Variants in AKT1S1 observed in about 807,000 individuals in gnomAD.
The protein encoded by AKT1S1 is proline-rich AKT1 substrate 1.
Under a neutral mutation model 21.2 loss-of-function variants are expected in AKT1S1, and 17 were observed. That is an observed-to-expected ratio of 0.80 (90% CI 0.55 to 1.20). The LOEUF (loss-of-function observed/expected upper bound fraction) is 1.20, where lower values mean the gene tolerates loss of function less well. AKT1S1 is among the 50% of genes most tolerant of loss of function. The pLI is 0.00. For synonymous variants in AKT1S1, 181 were observed against 165.6 expected (o/e 1.09, Z -0.72); for missense variants, 366 against 368.3 (o/e 0.99, Z 0.05).
chr19:49,875,097 G>C (rs1020522181), intron 1 of AKT1S1: 3 of 152,240 alleles, frequency 2.0e-5, no homozygotes, highest in Non-Finnish European at 4.4e-5. Flanking sequence ...CTATGAGACA[G>C]GAGCTTTAGT....
Position 49,873,181 on chromosome 19 carries a change from G to T in AKT1S1, c.115C>A (p.Pro39Thr), listed in dbSNP as rs1309144526. 2.0e-5 allele frequency: 31 copies of T among 1,532,880 alleles called. No individual in the cohort carries two copies. The Admixed American group carries it at 5.7e-4, about 28-fold the overall frequency. The allele number at this position is 1,532,880 out of a possible 1,614,324, so 95.0% of individuals were successfully genotyped here. Residue 39 changes from proline (P) to threonine (T), a missense_variant, in exon 2 of 5, where the codon CCC (proline) becomes ACC (threonine). Coordinates refer to ENST00000344175, the MANE Select transcript of AKT1S1 (RefSeq NM_001098633.4). This position sits in a 1 kb window ranked among gnomAD's most constrained non-coding sequence, Gnocchi z 6.9. ...VLLTAAPPPP[P>T]RPGPCAYAAH... is the part of the protein sequence containing the mutation. ...GCATAGGCACAGGGGCCCGGGCGGGGTGGTGGCGGCGGGGCCGCGGTCAGC... is the reference window on the plus strand; with the variant it reads ...GCATAGGCACAGGGGCCCGGGCGGGTTGGTGGCGGCGGGGCCGCGGTCAGC...
Position 49,871,838 on chromosome 19 carries a change from CAG to C in AKT1S1, c.429_430del (p.Phe143LeufsTer2), listed in dbSNP as rs768143698. ...ATCTGTACTCTCGGGGTCTGACTCACAGAAGGGGGGAAGGTCCTGGAGGGTGG... is the reference window on the plus strand; with the variant it reads ...ATCTGTACTCTCGGGGTCTGACTCACAAGGGGGGAAGGTCCTGGAGGGTGG... On this transcript the variant is annotated frameshift_variant, in exon 3 of 5. Transcript: ENST00000344175. LOFTEE classifies it high-confidence loss of function. The C allele has an allele frequency of 6.2e-7, 1 of 1,611,420 alleles. No homozygotes were observed. The highest frequency in any genetic ancestry group is 1.3e-5 in the African/African-American group (1 of 74,588).
upstream of AKT1S1, chr19:49,877,467 G>A (rs2074962974): frequency 2.0e-6 from 1 of 504,764 alleles, no homozygotes; most frequent in East Asian, 3.4e-5. Context: ...TTACTTCGTG[G>A]CGAGAGGGCG....
In AKT1S1 at chr19:49,871,413, C is replaced by T. The variant is rs529108925; in HGVS notation, c.627+134G>A. 52 of 1,222,866 alleles carry T rather than the reference C, an allele frequency of 4.3e-5. No individual in the cohort carries two copies. In the Admixed American group the frequency reaches 6.5e-4, roughly 15 times the overall value. 75.8% of individuals were successfully genotyped at this position (1,222,866 alleles called of 1,614,324 possible). On this transcript the variant is annotated intron_variant, in intron 4 of 4. Transcript: ENST00000344175. The stretch of plus-strand genomic sequence containing the variant: ...ACTGCAAGGCTCGTGTCCAAGAACT[C>T]GCCTCTTGAGGTTGAGGGGAGGATT...
In AKT1S1 at chr19:49,871,584, C is replaced by T. The variant is rs752454102; in HGVS notation, c.590G>A (p.Arg197Lys). 3.1e-6 allele frequency: 5 copies of T among 1,614,114 alleles called. No homozygotes were observed. In the Middle Eastern group the frequency reaches 5.0e-4, roughly 160 times the overall value. ...CTCATCTGATGACCGCGCCTCTGTC[C>T]TCTTCTCCTTGAAGCCCCAGACGGG... Reference protein sequence around the residue: ...SVPVWGFKEKRTEARSSDEEN... With the variant: ...SVPVWGFKEKKTEARSSDEEN... Residue 197 changes from arginine to lysine, a missense_variant, in exon 4 of 5, where the codon AGG becomes AAG. Transcript: ENST00000344175.
At chr19:49,876,825 A>C (rs2074953121) in intron 1 of AKT1S1, 1 of 670,976 alleles carries the variant, frequency 1.5e-6, no homozygotes. Flanking sequence ...CGCCTAGAGC[A>C]TTTCCATTTG....
At position 49,869,808 on chromosome 19, in the gene AKT1S1, G is replaced by A. The variant is rs559956485; in HGVS notation, c.*109C>T. 3.0e-5 allele frequency: 36 copies of A among 1,190,104 alleles called. No homozygotes were observed. Among genetic ancestry groups the A allele is most frequent in the Non-Finnish European group, 3.6e-5 (33 of 911,486 alleles). The allele number at this position is 1,190,104 out of a possible 1,614,324, so 73.7% of individuals were successfully genotyped here. On this transcript the variant is annotated 3_prime_UTR_variant, in exon 5 of 5. Coordinates refer to ENST00000344175, the MANE Select transcript of AKT1S1 (RefSeq NM_001098633.4). ...CGGGACAATCTTGGGAATGGGAGAC[G>A]CAAGGAGGCCGGTCCCGGATCGGCC...
chr19:49,876,628 C>T, intron 1 of AKT1S1: 1 of 1,531,578 alleles, frequency 6.5e-7, no homozygotes, highest in Non-Finnish European at 8.8e-7. Context: ...ATGGCCGGCC[C>T]GGCGCCGTCA....
chr19:49,873,014 G>C lies in AKT1S1; in HGVS notation c.282C>G (p.Pro94=), dbSNP rs770573591. The C allele has an allele frequency of 8.9e-6, 14 of 1,568,334 alleles. 1 individual carries two copies. The South Asian group carries it at 1.6e-4, about 18-fold the overall frequency. The change falls in exon 2 of 5, where the codon CCC becomes CCG. Residue 94 remains proline (P), a synonymous_variant. Transcript: ENST00000344175. The surrounding 1 kb of genome is among the most constrained non-coding windows in gnomAD (Gnocchi z 6.9). ...PQPPSPTPSP[P]RPTLAREDNE... ...TGTCCTCTCTGGCCAGGGTAGGCCG[G>C]GGTGGGCTGGGTGTGGGACTGGGTG...
At chr19:49,870,361 C>T (rs1309525207) in intron 4 of AKT1S1, among the ~76,000 whole-genome samples, 4 of 152,222 alleles carry the variant, frequency 2.6e-5, no homozygotes, top group Non-Finnish European at 5.9e-5. Flanking sequence ...GCCATTAAGG[C>T]TGAGTGCACC....
chr19:49,873,144 C>T lies in AKT1S1; in HGVS notation c.152G>A (p.Arg51Gln), dbSNP rs773649153. Residue 51 changes from arginine (R) to glutamine (Q), a missense_variant, in exon 2 of 5, where the codon CGA (arginine) becomes CAA (glutamine). By Grantham distance (43) the Arg-to-Gln change is conservative. Coordinates refer to ENST00000344175, the MANE Select transcript of AKT1S1 (RefSeq NM_001098633.4). This position sits in a 1 kb window ranked among gnomAD's most constrained non-coding sequence, Gnocchi z 6.9. ...PGPCAYAAHG[R>Q]GALAEAARRC... ...GCGCGCTGCCTCCGCCAGGGCTCCT[C>T]GACCATGGGCAGCATAGGCACAGGG... The T allele has an allele frequency of 3.0e-5, 46 of 1,538,884 alleles. No individual in the cohort carries two copies. The highest frequency in any genetic ancestry group is 3.9e-5 in the Non-Finnish European group (45 of 1,148,030).
upstream of AKT1S1, chr19:49,877,553 A>G: frequency 1.6e-6 from 1 of 623,472 alleles, no homozygotes; most frequent in Admixed American, 3.3e-5. Context: ...TCCACCCTCG[A>G]GGTTCCAGTG....
upstream of AKT1S1, chr19:49,877,961 C>T (rs536669729): frequency 6.9e-6 from 5 of 721,688 alleles, no homozygotes; most frequent in Non-Finnish European, 8.9e-6. Flanking sequence ...AGCCCTGCCC[C>T]CTGTGGAACG....
rs1189625619 is a variant in AKT1S1, at chr19:49,869,830, G to A, written c.*87C>T. ...GACGCAAGGAGGCCGGTCCCGGATC[G>A]GCCTCAGATTAGCAGGCCCCGGGAG... On this transcript the variant is annotated 3_prime_UTR_variant, in exon 5 of 5. Coordinates refer to ENST00000344175, the MANE Select transcript of AKT1S1 (RefSeq NM_001098633.4). The A allele has an allele frequency of 3.1e-6, 4 of 1,286,178 alleles. No homozygotes were observed. Among genetic ancestry groups the A allele is most frequent in the Admixed American group, 3.8e-5 (1 of 26,224 alleles). 79.7% of individuals were successfully genotyped at this position (1,286,178 alleles called of 1,614,324 possible). A position where few individuals can be genotyped will look rare whatever the true frequency, so the allele number is the denominator to read the frequency against.
In AKT1S1 at chr19:49,869,558, C is replaced by A. The variant is rs947830621; in HGVS notation, c.*359G>T. 2.0e-4 allele frequency: 39 copies of A among 192,730 alleles called. No individual in the cohort carries two copies. The highest frequency in any genetic ancestry group is 7.7e-4 in the African/African-American group (33 of 43,012). 11.9% of individuals were successfully genotyped at this position (192,730 alleles called of 1,614,324 possible). A position where few individuals can be genotyped will look rare whatever the true frequency, so the allele number is the denominator to read the frequency against. On this transcript the variant is annotated 3_prime_UTR_variant, in exon 5 of 5. Coordinates refer to ENST00000344175, the MANE Select transcript of AKT1S1 (RefSeq NM_001098633.4). ...GCCAATCAAAAAAAGAGCTGTCCAG[C>A]GACTAGGGGATGGAGCCAATGCCGT...
chr19:49,874,139 G>A (rs941710492), intron 1 of AKT1S1: 5 of 152,374 alleles, frequency 3.3e-5, no homozygotes, highest in African/African-American at 1.2e-4. Context: ...TGACCTTGAT[G>A]ACTTGTGCTC....
At chr19:49,877,889 C>A (rs1052304501), upstream of AKT1S1, 3 of 1,027,486 alleles carry the variant, frequency 2.9e-6, no homozygotes, top group Admixed American at 2.6e-5. Context: ...GTCACCCTCC[C>A]GTCCACCGCC....
chr19:49,873,345 C>CTACATCATCGCCACT lies in AKT1S1; in HGVS notation c.-7-44_-7-43insAGTGGCGATGATGTA. The CTACATCATCGCCACT allele has an allele frequency of 7.1e-7, 1 of 1,402,066 alleles. No individual in the cohort carries two copies. Among genetic ancestry groups the CTACATCATCGCCACT allele is most frequent in the South Asian group, 1.5e-5 (1 of 65,956 alleles). 86.9% of individuals were successfully genotyped at this position (1,402,066 alleles called of 1,614,324 possible). On this transcript the variant is annotated intron_variant, in intron 1 of 4. Transcript: ENST00000344175. This position sits in a 1 kb window ranked among gnomAD's most constrained non-coding sequence, Gnocchi z 6.9. ...ACAGAGGGGGCTGAGGCTTGGCGGC[C>CTACATCATCGCCACT]TACATCATCGCCACCCACTCAGAGT...
upstream of AKT1S1, chr19:49,877,907 A>G: frequency 7.8e-6 from 7 of 901,334 alleles, no homozygotes; most frequent in Non-Finnish European, 1.2e-5. Context: ...GCCCCAGGGA[A>G]GAACCTCCCA....
Sources: allele counts gnomAD v4.1 joint callset (sites outside exome capture counted in the v4.1 genomes callset), GRCh38; gene constraint gnomAD v4.1.1; non-coding constraint Gnocchi (gnomAD v3.1); transcripts MANE v1.5; gene names NCBI Gene and HGNC (gene_info 2026-07-23, HGNC 2026-07-21).